Variants in ROCK2 observed in about 807,000 individuals in gnomAD.
The protein encoded by ROCK2 is rho-associated protein kinase 2.
ROCK2 carries 61 observed loss-of-function variants against 195.1 expected under a neutral mutation model. The observed-to-expected ratio is 0.31, with a 90% CI of 0.25 to 0.39. The LOEUF is 0.39. Ranked by LOEUF, ROCK2 falls within the 10% of genes least tolerant of loss-of-function variation. The pLI, the probability that ROCK2 is intolerant of heterozygous loss-of-function variation, is 1.00. For synonymous variants in ROCK2, 504 were observed against 545.5 expected (o/e 0.92, Z 1.06); for missense variants, 1,109 against 1,637.4 (o/e 0.68, Z 5.57).
chr2:11,340,385 G>A (rs926213413), intron 1 of ROCK2, among the ~76,000 whole-genome samples: 1 of 152,134 alleles, frequency 6.6e-6, no homozygotes, highest in African/African-American at 2.4e-5. Flanking sequence ...TCAAAATTGT[G>A]GATAAGGGAT....
At position 11,215,083 on chromosome 2, in the gene ROCK2, C is replaced by A; in HGVS notation, c.1693G>T (p.Asp565Tyr). 1 of 1,613,990 alleles carries A rather than the reference C, an allele frequency of 6.2e-7. No homozygotes were observed. The highest frequency in any genetic ancestry group is 8.5e-7 in the Non-Finnish European group (1 of 1,179,950). Reference sequence around the variant, plus strand: ...GTTCGCAGTAAAGCATTGGTTTCATCCAGCTGTTATTCCATTCAAAACCAA... The same window carrying A: ...GTTCGCAGTAAAGCATTGGTTTCATACAGCTGTTATTCCATTCAAAACCAA... ...EKVNQLQRQL[D>Y]ETNALLRTES... Residue 565 changes from aspartate (D) to tyrosine (Y), a missense_variant, in exon 16 of 33, where the codon GAT (aspartate) becomes TAT (tyrosine). This residue lies in a region of ROCK2 where 542 missense variants were observed against 672.0 expected (regional missense o/e 0.81). Transcript: ENST00000315872.
At chr2:11,293,505 G>A (rs1667422537) in intron 1 of ROCK2, among the ~76,000 whole-genome samples, 1 of 152,158 alleles carries the variant, frequency 6.6e-6, no homozygotes, top group Non-Finnish European at 1.5e-5. Flanking sequence ...GGAGCAATAG[G>A]AATGTTTTTA....
At chr2:11,227,521 C>A in intron 5 of ROCK2, 123 bp from the exon 6 acceptor site, 1 of 821,626 alleles carries the variant, frequency 1.2e-6, no homozygotes, top group Non-Finnish European at 1.9e-6. Flanking sequence ...CAGAACTTCA[C>A]TGCTGACATG....
chr2:11,266,973 CTTTA>C (rs1666439082), intron 3 of ROCK2, among the ~76,000 whole-genome samples: 1 of 152,266 alleles, frequency 6.6e-6, no homozygotes, highest in African/African-American at 2.4e-5. Flanking sequence ...TAAAAGCCTT[CTTTA>C]TTTATACATC....
At chr2:11,309,842 T>C (rs768417525) in intron 1 of ROCK2, among the ~76,000 whole-genome samples, 1 of 152,066 alleles carries the variant, frequency 6.6e-6, no homozygotes, top group Non-Finnish European at 1.5e-5. Context: ...TAGCCGGGCA[T>C]GGTGGCGTTA....
intron 3 of ROCK2, among the ~76,000 whole-genome samples, chr2:11,277,450 C>T (rs984910973): frequency 2.6e-5 from 4 of 151,996 alleles, no homozygotes; most frequent in African/African-American, 9.7e-5. Context: ...ATACACTGCA[C>T]CCTATTTGTA....
chr2:11,224,651 T>C (rs1429521238), intron 6 of ROCK2, among the ~76,000 whole-genome samples, 191 bp from the exon 7 acceptor site: 1 of 151,840 alleles, frequency 6.6e-6, no homozygotes, highest in African/African-American at 2.4e-5. Flanking sequence ...ATTTAAAATT[T>C]AACACCACCA....
At chr2:11,196,657 C>T (rs1663647714) in intron 27 of ROCK2, among the ~76,000 whole-genome samples, 1 of 152,072 alleles carries the variant, frequency 6.6e-6, no homozygotes, top group Non-Finnish European at 1.5e-5. Context: ...GGGAAAAACT[C>T]CAAAGATGAG....
intron 9 of ROCK2, 69 bp from the exon 10 acceptor site, chr2:11,219,095 T>C (rs1664533309): frequency 1.3e-6 from 1 of 798,202 alleles, no homozygotes; most frequent in African/African-American, 1.7e-5. Context: ...TTATTCAAGT[T>C]ATTCTCAGAC....
intron 32 of ROCK2, among the ~76,000 whole-genome samples, chr2:11,188,562 T>C (rs1663290242): frequency 6.6e-6 from 1 of 152,216 alleles, no homozygotes; most frequent in South Asian, 2.1e-4. Flanking sequence ...TCCTGTAGAA[T>C]AGCATTTCTA....
Position 11,199,909 on chromosome 2 carries a change from T to C in ROCK2, c.2910+1048A>G, listed in dbSNP as rs1280294003. On this transcript the variant is annotated intron_variant, in intron 23 of 32. Coordinates refer to ENST00000315872, the MANE Select transcript of ROCK2 (RefSeq NM_004850.5). ...GCCTAAAATTTACTGGAAACTGTCA[T>C]ACTACTTACTGTACTATGCCATACT... is the stretch of plus-strand genomic sequence containing the variant. 3.3e-5 allele frequency among the ~76,000 whole-genome samples: 5 copies of C among 152,338 alleles called. No individual in the cohort carries two copies. The East Asian group carries it at 9.6e-4, about 29-fold the overall frequency.
intron 1 of ROCK2, among the ~76,000 whole-genome samples, chr2:11,300,258 T>C (rs1359382204): frequency 2.0e-5 from 3 of 152,116 alleles, no homozygotes; most frequent in African/African-American, 7.2e-5. Context: ...CATTAGCAAC[T>C]ATGGTTTTTT....
chr2:11,255,680 G>A (rs1478757841), intron 3 of ROCK2, among the ~76,000 whole-genome samples: 3 of 150,974 alleles, frequency 2.0e-5, no homozygotes, highest in East Asian at 1.9e-4. Context: ...AGCACTTTGG[G>A]AGGCTGAGGT....
chr2:11,210,619 A>C (rs1664216689), intron 18 of ROCK2, among the ~76,000 whole-genome samples: 1 of 152,114 alleles, frequency 6.6e-6, no homozygotes, highest in Non-Finnish European at 1.5e-5. Flanking sequence ...AGGATTACAG[A>C]TGTGAGCCAC....
chr2:11,227,226 G>C (rs1410826446), intron 6 of ROCK2, 28 bp downstream of exon 6: 3 of 1,581,620 alleles, frequency 1.9e-6, no homozygotes, highest in Non-Finnish European at 2.6e-6. Flanking sequence ...GAAGCATTTT[G>C]AAAAAAGAAG....
At chr2:11,188,297 A>G (rs1663277672) in intron 32 of ROCK2, among the ~76,000 whole-genome samples, 1 of 151,838 alleles carries the variant, frequency 6.6e-6, no homozygotes. Context: ...TTTAGTAGAG[A>G]TGGGGTTTCA....
intron 1 of ROCK2, among the ~76,000 whole-genome samples, chr2:11,292,945 C>A (rs1667405615): frequency 1.3e-5 from 2 of 152,122 alleles, no homozygotes; most frequent in Admixed American, 6.5e-5. Context: ...CCCCCTTCTC[C>A]CTCTTCCTCC....
chr2:11,218,066 C>T (rs891120964), intron 11 of ROCK2: 18 of 160,742 alleles, frequency 1.1e-4, no homozygotes, highest in Non-Finnish European at 2.3e-4. Context: ...TGATCAGGTT[C>T]TCCATGGTTT....
At chr2:11,191,479 C>A (rs572818941) in intron 32 of ROCK2, among the ~76,000 whole-genome samples, 1 of 152,192 alleles carries the variant, frequency 6.6e-6, no homozygotes, top group Non-Finnish European at 1.5e-5. Flanking sequence ...ACTCAAGTTA[C>A]TGTTTTAAAT....
Sources: gnomAD v4.1 joint callset for allele counts (sites outside exome capture counted in the v4.1 genomes callset) on GRCh38, gnomAD v4.1.1 for gene constraint, gnomAD v4.1.1 regional missense constraint, MANE v1.5 for transcripts, NCBI Gene and HGNC (gene_info 2026-07-23, HGNC 2026-07-21) for gene names.